The following USP49 variants were observed in gnomAD, a reference collection of about 807,000 sequenced individuals.
The protein encoded by USP49 is ubiquitin carboxyl-terminal hydrolase 49.
A neutral mutation model predicts 58.6 loss-of-function variants in USP49; 24 were observed. The observed-to-expected ratio is 0.41, with a 90% CI of 0.30 to 0.58. The LOEUF is 0.58. Among genes scored for constraint, USP49 ranks in the 20% least tolerant of loss-of-function variants. The pLI is 0.30. For synonymous variants in USP49, 408 were observed against 365.1 expected, an observed-to-expected ratio of 1.12 and a Z score of -1.34; for missense variants, 703 against 866.1, an observed-to-expected ratio of 0.81 and a Z score of 2.36.
At chr6:41,853,999 CGAAAA>C (rs1258308182) in intron 3 of USP49, among the ~76,000 whole-genome samples, 4 of 58,864 alleles carry the variant, frequency 6.8e-5, no homozygotes, top group Admixed American at 2.3e-4. Context: ...GACTCTGTCT[CGAAAA>C]AAAAAAAAAA....
At chr6:41,850,054 T>A (rs1419091629) in intron 3 of USP49, among the ~76,000 whole-genome samples, 1 of 152,122 alleles carries the variant, frequency 6.6e-6, no homozygotes, top group Non-Finnish European at 1.5e-5. Context: ...AGAAAATACC[T>A]TGAGACAAAT....
At chr6:41,882,381 A>G (rs1028884714) in intron 2 of USP49, among the ~76,000 whole-genome samples, 1 of 152,266 alleles carries the variant, frequency 6.6e-6, no homozygotes, top group African/African-American at 2.4e-5. Flanking sequence ...TGGAAGGTTC[A>G]GCTAGTTTAG....
intron 3 of USP49, among the ~76,000 whole-genome samples, chr6:41,861,600 G>A (rs1227297769): frequency 6.6e-6 from 1 of 152,058 alleles, no homozygotes; most frequent in Non-Finnish European, 1.5e-5. Context: ...TATGCATTTA[G>A]AAACATAATG....
At chr6:41,870,688 A>ATTTTTTTTTTTTTTTTTTT (rs70987539) in intron 3 of USP49, among the ~76,000 whole-genome samples, 1 of 116,062 alleles carries the variant, frequency 8.6e-6, no homozygotes, top group Non-Finnish European at 1.7e-5. Context: ...CACCTGGCTA[A>ATTTTTTTTTTTTTTTTTTT]TTTTTTTTTT....
At chr6:41,849,099 T>C (rs1773974490) in intron 3 of USP49, among the ~76,000 whole-genome samples, 1 of 152,090 alleles carries the variant, frequency 6.6e-6, no homozygotes, top group African/African-American at 2.4e-5. Flanking sequence ...TAAGGACACA[T>C]AGATTGAAAA....
intron 3 of USP49, among the ~76,000 whole-genome samples, chr6:41,828,326 G>A (rs140964300): frequency 0.056 from 8,528 of 152,138 alleles, 420 homozygotes; most frequent in Admixed American, 0.12. Flanking sequence ...GTATGTGCCT[G>A]TAGTCCCAGC....
chr6:41,800,840 A>T (rs544780408), intron 5 of USP49, among the ~76,000 whole-genome samples: 1 of 152,252 alleles, frequency 6.6e-6, no homozygotes, highest in Non-Finnish European at 1.5e-5. Context: ...TTTAGAAAAT[A>T]AACTGTTTTA....
chr6:41,850,183 C>T (rs915649252), intron 3 of USP49, among the ~76,000 whole-genome samples: 2 of 152,022 alleles, frequency 1.3e-5, no homozygotes, highest in Admixed American at 6.6e-5. Context: ...TGGCTCATGC[C>T]CGTAATCTCA....
rs1772891309 is a variant in USP49 at position 41,796,593 on chromosome 6, AT to A, written c.2006del (p.His669LeufsTer42). 1 of 717,314 alleles carries A rather than the reference AT, an allele frequency of 1.4e-6. No homozygotes were observed. The highest frequency in any genetic ancestry group is 2.6e-6 in the Non-Finnish European group (1 of 385,096). 44.4% of individuals were successfully genotyped at this position (717,314 alleles called of 1,614,324 possible). A position where few individuals can be genotyped will look rare whatever the true frequency, so the allele number is the denominator to read the frequency against. ...VQGNARISET[H>X]LQAQVQSSNN... ...TGCTGGACTGCACCTGAGCTTGGAG[AT>A]GGGTTTCTGAGATTCTTGCATTGCC... is the stretch of plus-strand genomic sequence containing the variant. On this transcript the variant is annotated frameshift_variant, in exon 8 of 8. Coordinates refer to ENST00000682992, the MANE Select transcript of USP49 (RefSeq NM_001286554.2). LOFTEE classifies it high-confidence loss of function.
At position 41,817,898 on chromosome 6, in the gene USP49, G is replaced by A. The variant is rs551652524; in HGVS notation, c.-28-10887C>T. 2.6e-5 allele frequency among the ~76,000 whole-genome samples: 4 copies of A among 152,290 alleles called. No individual in the cohort carries two copies. In the East Asian group the frequency reaches 5.8e-4, roughly 22 times the overall value. On this transcript the variant is annotated intron_variant, in intron 3 of 7. Coordinates refer to ENST00000682992, the MANE Select transcript of USP49 (RefSeq NM_001286554.2). ...CCCAAAGTACTGGGATTACAGGCAT[G>A]AGCCACTTCACCGGGCCACTCCCAC...
intron 3 of USP49, among the ~76,000 whole-genome samples, chr6:41,820,272 T>G (rs1034094021): frequency 6.6e-6 from 1 of 152,078 alleles, no homozygotes; most frequent in African/African-American, 2.4e-5. Flanking sequence ...TTTTAATATA[T>G]GATATAGTTG....
intron 3 of USP49, among the ~76,000 whole-genome samples, chr6:41,866,907 G>A (rs1209136794): frequency 6.6e-6 from 1 of 152,048 alleles, no homozygotes; most frequent in African/African-American, 2.4e-5. Flanking sequence ...AAAGATATGT[G>A]CAATAAGGGC....
chr6:41,872,257 T>C (rs1774422920), intron 2 of USP49, among the ~76,000 whole-genome samples: 1 of 152,246 alleles, frequency 6.6e-6, no homozygotes. Context: ...AAGCTTGAGA[T>C]CGGCAAGCTG....
Position 41,790,318 on chromosome 6 carries a change from G to C in USP49, c.*6215C>G, listed in dbSNP as rs1436577932. On this transcript the variant is annotated 3_prime_UTR_variant, in exon 8 of 8. Coordinates refer to ENST00000682992, the MANE Select transcript of USP49 (RefSeq NM_001286554.2). Reference sequence around the variant, plus strand: ...GGGCAGTGGTCACTAAAGTGACACTGCTGAGGCAGCTGCTTCCTTCAGAAG... The same window carrying C: ...GGGCAGTGGTCACTAAAGTGACACTCCTGAGGCAGCTGCTTCCTTCAGAAG... 1 of 152,214 alleles carries C rather than the reference G, an allele frequency of 6.6e-6. No homozygotes were observed. Among genetic ancestry groups the C allele is most frequent in the Non-Finnish European group, 1.5e-5 (1 of 68,050 alleles). The allele number at this position is 152,214 out of a possible 1,614,324, so 9.4% of individuals were successfully genotyped here.
intron 2 of USP49, among the ~76,000 whole-genome samples, chr6:41,879,458 T>C (rs939055156): frequency 2.0e-5 from 3 of 151,856 alleles, no homozygotes; most frequent in African/African-American, 2.4e-5. Flanking sequence ...GAAGCCCAAA[T>C]CAAACTGAAT....
intron 2 of USP49, among the ~76,000 whole-genome samples, chr6:41,880,864 T>C (rs996317266): frequency 6.6e-6 from 1 of 152,072 alleles, no homozygotes; most frequent in Non-Finnish European, 1.5e-5. Flanking sequence ...CGAGGGGAAG[T>C]AGATCCCAGG....
chr6:41,798,909 C>T lies in USP49; in HGVS notation c.1691G>A (p.Arg564Gln), dbSNP rs968417533. The T allele has an allele frequency of 1.9e-6, 3 of 1,609,240 alleles. No homozygotes were observed. The highest frequency in any genetic ancestry group is 3.3e-4 in the Middle Eastern group (2 of 6,056). The change falls in exon 7 of 8, where the codon CGA becomes CAA. Residue 564 changes from arginine (R) to glutamine (Q), a missense_variant. Arg to Gln is a conservative substitution (Grantham distance 43, BLOSUM62 1). Transcript: ENST00000682992. ...KRFRWSGRNH[R>Q]EKIGVHVVFD... The stretch of plus-strand genomic sequence containing the variant: ...GACGACATGGACCCCAATCTTCTCT[C>T]GATGATTACGGCCAGACCACCTAGA...
intron 3 of USP49, among the ~76,000 whole-genome samples, chr6:41,860,674 AT>A (rs34076767): frequency 0.51 from 76,570 of 149,976 alleles, 19,586 homozygotes; most frequent in African/African-American, 0.56. Flanking sequence ...CACCCAGCTA[AT>A]TTTTTTTTTG....
chr6:41,843,392 G>A (rs1773863039), intron 3 of USP49, among the ~76,000 whole-genome samples: 1 of 152,102 alleles, frequency 6.6e-6, no homozygotes, highest in African/African-American at 2.4e-5. Context: ...CATCACGTTG[G>A]CTTTGTGTAT....
Sources: allele counts gnomAD v4.1 joint callset (sites outside exome capture counted in the v4.1 genomes callset), GRCh38; gene constraint gnomAD v4.1.1; transcripts MANE v1.5; gene names NCBI Gene and HGNC (gene_info 2026-07-23, HGNC 2026-07-21).